The following CLSTN2 variants were observed in gnomAD, a reference collection of about 807,000 sequenced individuals.
The protein encoded by CLSTN2 is calsyntenin-2.
In CLSTN2, 48 loss-of-function variants were observed where a neutral mutation model predicts 101.2. That is an observed-to-expected ratio of 0.47 (90% CI 0.38 to 0.60). The LOEUF (loss-of-function observed/expected upper bound fraction) is 0.60, where lower values mean the gene tolerates loss of function less well. Among genes scored for constraint, CLSTN2 ranks in the 20% least tolerant of loss-of-function variants. The probability of loss-of-function intolerance (pLI) is 0.00; values close to 1 mark genes in which losing one functional copy is unlikely to be tolerated. For synonymous variants in CLSTN2, 481 were observed against 463.6 expected (o/e 1.04, Z -0.48); for missense variants, 1,160 against 1,238.2 (o/e 0.94, Z 0.95).
intron 2 of CLSTN2, among the ~76,000 whole-genome samples, chr3:140,224,362 T>A (rs1326132071): frequency 6.6e-6 from 1 of 152,222 alleles, no homozygotes; most frequent in Non-Finnish European, 1.5e-5. Flanking sequence ...TTTCTGGAAC[T>A]CAATAAATAT....
At chr3:140,446,242 C>T (rs1182762736) in intron 5 of CLSTN2, among the ~76,000 whole-genome samples, 2 of 152,134 alleles carry the variant, frequency 1.3e-5, no homozygotes, top group African/African-American at 4.8e-5. Context: ...ATCTCATCCT[C>T]TGGGAGGGGA....
In CLSTN2 at chr3:140,206,222, G is replaced by A. The variant is rs182226537; in HGVS notation, c.232+30149G>A. ...GGCACTGGAGTCAAGGGAGTTAAGA[G>A]AGGCAGGATGCAGCCCAGAGGGAGA... On this transcript the variant is annotated intron_variant, in intron 2 of 16. Coordinates refer to ENST00000458420, the MANE Select transcript of CLSTN2 (RefSeq NM_022131.3). 4.9e-4 allele frequency among the ~76,000 whole-genome samples: 75 copies of A among 152,312 alleles called. 1 individual carries two copies.
At chr3:140,293,777 T>A (rs972288428) in intron 2 of CLSTN2, among the ~76,000 whole-genome samples, 1 of 152,140 alleles carries the variant, frequency 6.6e-6, no homozygotes, top group African/African-American at 2.4e-5. Flanking sequence ...GTCCAAGCAT[T>A]GATGGGCACC....
At chr3:139,989,771 A>T (rs1460771146) in intron 1 of CLSTN2, among the ~76,000 whole-genome samples, 7 of 152,098 alleles carry the variant, frequency 4.6e-5, no homozygotes, top group African/African-American at 1.7e-4. Context: ...AAATTCCACC[A>T]AGAGGCTTTT....
chr3:140,036,687 C>T (rs1213791719), intron 1 of CLSTN2, among the ~76,000 whole-genome samples: 2 of 151,902 alleles, frequency 1.3e-5, no homozygotes, highest in African/African-American at 4.8e-5. Flanking sequence ...TCCCACCCAT[C>T]CCTGTTGTTC....
At chr3:140,373,051 G>A (rs1225010625) in intron 2 of CLSTN2, among the ~76,000 whole-genome samples, 1 of 152,224 alleles carries the variant, frequency 6.6e-6, no homozygotes, top group African/African-American at 2.4e-5. Flanking sequence ...CTGGGGGACA[G>A]ATTGAGACCC....
At chr3:140,103,474 A>T (rs2009002074) in intron 1 of CLSTN2, among the ~76,000 whole-genome samples, 1 of 152,168 alleles carries the variant, frequency 6.6e-6, no homozygotes, top group African/African-American at 2.4e-5. Context: ...TTCCATCATC[A>T]TAGGCTTTTT....
chr3:139,989,142 G>T lies in CLSTN2; in HGVS notation c.109+53659G>T, dbSNP rs566489773. The stretch of plus-strand genomic sequence containing the variant: ...CACAGGCAAAAAATGGTCAAGCTGG[G>T]TCTAGGATTCTGCTGGGGTTTCTCC... On this transcript the variant is annotated intron_variant, in intron 1 of 16. Transcript: ENST00000458420. Among the ~76,000 whole-genome samples the T allele has an allele frequency of 1.2e-4, 19 of 152,282 alleles. No individual in the cohort carries two copies. The South Asian group carries it at 3.9e-3, about 32-fold the overall frequency.
rs769963496 is a variant in CLSTN2 at position 140,056,133 on chromosome 3, G to GCCCAGGCC, written c.110-119818_110-119817insCCCAGGCC. ...GGGAAGCCCAGGCCACATTGGAGAA[G>GCCCAGGCC]TCATGTCAGGGAGGCAGCAGAGTAT... On this transcript the variant is annotated intron_variant, in intron 1 of 16. Transcript: ENST00000458420. 6.6e-3 allele frequency among the ~76,000 whole-genome samples: 1,011 copies of GCCCAGGCC among 152,310 alleles called. 3 individuals carry two copies. Among genetic ancestry groups the GCCCAGGCC allele is most frequent in the Admixed American group, 0.01 (154 of 15,304 alleles).
At chr3:140,301,966 G>A (rs2087063712) in intron 2 of CLSTN2, among the ~76,000 whole-genome samples, 1 of 152,094 alleles carries the variant, frequency 6.6e-6, no homozygotes, top group South Asian at 2.1e-4. Context: ...AAACCCTCAG[G>A]CCTCTGTTTA....
At chr3:140,135,365 G>A (rs2009600525) in intron 1 of CLSTN2, among the ~76,000 whole-genome samples, 1 of 151,884 alleles carries the variant, frequency 6.6e-6, no homozygotes, top group African/African-American at 2.4e-5. Flanking sequence ...GCTCTGGCAA[G>A]TTTCTATCAC....
At chr3:140,198,142 AC>A (rs1329535112) in intron 2 of CLSTN2, among the ~76,000 whole-genome samples, 1 of 152,196 alleles carries the variant, frequency 6.6e-6, no homozygotes, top group Non-Finnish European at 1.5e-5. Context: ...TTTATATCAT[AC>A]TGTATCTGGG....
chr3:140,132,493 G>A (rs1012563787), intron 1 of CLSTN2, among the ~76,000 whole-genome samples: 2 of 152,116 alleles, frequency 1.3e-5, no homozygotes, highest in African/African-American at 4.8e-5. Flanking sequence ...CATGGACCAC[G>A]GGCTTTAGTG....
intron 1 of CLSTN2, among the ~76,000 whole-genome samples, chr3:140,148,916 G>T (rs1407470487): frequency 1.3e-5 from 2 of 152,166 alleles, no homozygotes; most frequent in Non-Finnish European, 2.9e-5. Flanking sequence ...GGCCATGAAT[G>T]CAGCTGGTTG....
intron 2 of CLSTN2, among the ~76,000 whole-genome samples, chr3:140,317,933 A>C (rs1032559059): frequency 6.6e-6 from 1 of 152,226 alleles, no homozygotes; most frequent in African/African-American, 2.4e-5. Flanking sequence ...GCTGCTGTGC[A>C]GGCAGTGCAT....
chr3:140,171,047 A>G (rs1268564544), intron 1 of CLSTN2, among the ~76,000 whole-genome samples: 3 of 152,168 alleles, frequency 2.0e-5, no homozygotes, highest in African/African-American at 7.2e-5. Flanking sequence ...CACAGTTCTA[A>G]TGGACAGGCC....
intron 2 of CLSTN2, among the ~76,000 whole-genome samples, chr3:140,315,890 C>A (rs111578553): frequency 0.024 from 3,650 of 152,208 alleles, 135 homozygotes; most frequent in African/African-American, 0.082. Context: ...AAAGGTGGAG[C>A]GTGTGTGGCC....
At chr3:140,407,888 C>T (rs555191810) in intron 4 of CLSTN2, among the ~76,000 whole-genome samples, 34 of 152,166 alleles carry the variant, frequency 2.2e-4, no homozygotes, top group Non-Finnish European at 2.9e-4. Context: ...TCCATCAGAT[C>T]GCACCTCCTT....
In CLSTN2 at chr3:140,575,804, GTGTGTGTGTATA is replaced by G. The variant is rs1985714156; in HGVS notation, c.*9558_*9569del. 1 of 152,122 alleles carries G rather than the reference GTGTGTGTGTATA, an allele frequency of 6.6e-6. No homozygotes were observed. Among genetic ancestry groups the G allele is most frequent in the African/African-American group, 2.4e-5 (1 of 41,410 alleles). 9.4% of individuals were successfully genotyped at this position (152,122 alleles called of 1,614,324 possible). ...TATGGACAGCTGATTATATATATGT[GTGTGTGTGTATA>G]TGTGTGCATATATGTGTACATATAC... On this transcript the variant is annotated 3_prime_UTR_variant, in exon 17 of 17. Transcript: ENST00000458420.
Sources: allele counts gnomAD v4.1 joint callset (sites outside exome capture counted in the v4.1 genomes callset), GRCh38; gene constraint gnomAD v4.1.1; transcripts MANE v1.5; gene names NCBI Gene and HGNC (gene_info 2026-07-23, HGNC 2026-07-21).